The following SLCO3A1 variants were observed in gnomAD, a reference collection of about 807,000 sequenced individuals.
The protein encoded by SLCO3A1 is PGE1 transporter.
In SLCO3A1, 27 loss-of-function variants were observed where a neutral mutation model predicts 63.1. That is an observed-to-expected ratio of 0.43 (90% CI 0.32 to 0.59). The LOEUF is 0.59. Among genes scored for constraint, SLCO3A1 ranks in the 20% least tolerant of loss-of-function variants. The pLI, the probability that SLCO3A1 is intolerant of heterozygous loss-of-function variation, is 0.09. For synonymous variants in SLCO3A1, 473 were observed against 409.9 expected (o/e 1.15, Z -1.86); for missense variants, 773 against 945.8 (o/e 0.82, Z 2.40).
rs549487649 is a variant in SLCO3A1 at position 92,163,149 on chromosome 15, G to A, written c.*14G>A. The A allele has an allele frequency of 6.7e-6, 10 of 1,495,420 alleles. No individual in the cohort carries two copies. The highest frequency in any genetic ancestry group is 1.4e-5 in the African/African-American group (1 of 70,884). The allele number at this position is 1,495,420 out of a possible 1,614,324, so 92.6% of individuals were successfully genotyped here. ...TCCGTTTTATAGTGACTAAAGGAGG[G>A]CTGAACTCTGTATTAGTAATCCAAG... On this transcript the variant is annotated 3_prime_UTR_variant, in exon 10 of 10. Coordinates refer to ENST00000318445, the MANE Select transcript of SLCO3A1 (RefSeq NM_013272.4).
intron 2 of SLCO3A1, among the ~76,000 whole-genome samples, chr15:92,047,072 A>AATATATATATAATATATAAATATATAT (rs1171508604): frequency 1.9e-4 from 1 of 5,196 alleles, no homozygotes; most frequent in African/African-American, 8.0e-4. Flanking sequence ...TATATATACA[A>AATATATATATAATATATAAATATATAT]ATATATATAA....
rs1046100421 is a variant in SLCO3A1 at position 91,872,990 on chromosome 15, G to A, written c.180+18902G>A. On this transcript the variant is annotated intron_variant, in intron 1 of 9. Coordinates refer to ENST00000318445, the MANE Select transcript of SLCO3A1 (RefSeq NM_013272.4). This position sits in a 1 kb window ranked among gnomAD's most constrained non-coding sequence, Gnocchi z 4.1. ...ACCTGCGTGCTCAGCACTCACCTGC[G>A]TTCCTGATTTGAACAGCCAGCCACT... Among the ~76,000 whole-genome samples, 18 of 152,150 alleles carry A rather than the reference G, an allele frequency of 1.2e-4. No homozygotes were observed. The highest frequency in any genetic ancestry group is 9.6e-4 in the East Asian group (5 of 5,190).
chr15:92,141,555 C>T (rs1567141491), intron 7 of SLCO3A1, among the ~76,000 whole-genome samples: 1 of 152,162 alleles, frequency 6.6e-6, no homozygotes, highest in East Asian at 1.9e-4. Context: ...TTTTATAGCT[C>T]AAAGCATTTG....
intron 9 of SLCO3A1, chr15:92,151,231 C>T: frequency 4.2e-6 from 2 of 476,354 alleles, no homozygotes; most frequent in Non-Finnish European, 7.4e-6. Flanking sequence ...CAACTCTTAT[C>T]TTCACGCCAC....
At position 92,123,354 on chromosome 15, in the gene SLCO3A1, C is replaced by T. The variant is rs968361633; in HGVS notation, c.1175-2707C>T. Among the ~76,000 whole-genome samples, 6 of 152,036 alleles carry T rather than the reference C, an allele frequency of 3.9e-5. No individual in the cohort carries two copies. In the South Asian group the frequency reaches 1.0e-3, roughly 26 times the overall value. On this transcript the variant is annotated intron_variant, in intron 5 of 9. Coordinates refer to ENST00000318445, the MANE Select transcript of SLCO3A1 (RefSeq NM_013272.4). ...CCTGGGAGGTGGAGGTTGCAGTGAGCCGAGATCGCGCCATTGCACTCCAGC... is the reference window on the plus strand; with the variant it reads ...CCTGGGAGGTGGAGGTTGCAGTGAGTCGAGATCGCGCCATTGCACTCCAGC...
chr15:92,145,491 T>C (rs1263599274), intron 7 of SLCO3A1, among the ~76,000 whole-genome samples: 1 of 152,178 alleles, frequency 6.6e-6, no homozygotes, highest in Non-Finnish European at 1.5e-5. Context: ...ATAGGTCTTG[T>C]CCCGAGGTTC....
At chr15:91,997,664 A>G (rs762024441) in intron 2 of SLCO3A1, among the ~76,000 whole-genome samples, 5 of 152,218 alleles carry the variant, frequency 3.3e-5, no homozygotes, top group Non-Finnish European at 5.9e-5. Flanking sequence ...AACAGACTAC[A>G]TAGACCAGTG....
chr15:91,881,729 C>T (rs1401108487), intron 1 of SLCO3A1, among the ~76,000 whole-genome samples: 1 of 152,118 alleles, frequency 6.6e-6, no homozygotes, highest in Non-Finnish European at 1.5e-5. Context: ...ATGCAAGTCC[C>T]CTGTGGTAAA....
At position 92,120,121 on chromosome 15, in the gene SLCO3A1, C is replaced by T. The variant is rs114762157; in HGVS notation, c.1010-344C>T. ...TTTTTTTTTCTTTTGAGAAACAAAC[C>T]CCAAACCCTCTGTTAGTAGAGGATG... On this transcript the variant is annotated intron_variant, in intron 4 of 9. Transcript: ENST00000318445. 3.5e-3 allele frequency among the ~76,000 whole-genome samples: 529 copies of T among 151,610 alleles called. 3 individuals carry two copies. The highest frequency in any genetic ancestry group is 0.012 in the African/African-American group (511 of 41,318).
At chr15:92,151,229 A>G in intron 9 of SLCO3A1, 1 of 487,060 alleles carries the variant, frequency 2.1e-6, no homozygotes. Context: ...ACCAACTCTT[A>G]TCTTCACGCC....
chr15:92,094,945 C>G lies in SLCO3A1; in HGVS notation c.711C>G (p.Thr237=). 1 of 1,612,904 alleles carries G rather than the reference C, an allele frequency of 6.2e-7. No homozygotes were observed. The highest frequency in any genetic ancestry group is 8.5e-7 in the Non-Finnish European group (1 of 1,178,900). The change falls in exon 3 of 10, where the codon ACC becomes ACG. Residue 237 remains threonine, a synonymous_variant. Transcript: ENST00000318445. ...GGTTTATCCTGGGCTCTTTCTGTAC[C>G]AAAATCTACGTGGATGCGGTCTTCA... ...ACGFILGSFC[T]KIYVDAVFID...
chr15:91,945,493 C>T (rs55671921), intron 2 of SLCO3A1, among the ~76,000 whole-genome samples: 12,732 of 152,174 alleles, frequency 0.084, 602 homozygotes, highest in African/African-American at 0.097. Context: ...GACACAATAG[C>T]GGCAAGTTGT....
chr15:91,884,436 G>A (rs1897671183), intron 1 of SLCO3A1, among the ~76,000 whole-genome samples: 2 of 151,832 alleles, frequency 1.3e-5, no homozygotes, highest in South Asian at 2.1e-4. Flanking sequence ...GCTTGAACCT[G>A]GGAGGTGGAA....
At position 91,915,858 on chromosome 15, in the gene SLCO3A1, C is replaced by G. The variant is rs1406690058; in HGVS notation, c.181-135C>G. 4.3e-5 allele frequency: 31 copies of G among 717,254 alleles called. No individual in the cohort carries two copies. In the East Asian group the frequency reaches 7.8e-4, roughly 18 times the overall value. The allele number at this position is 717,254 out of a possible 1,614,324, so 44.4% of individuals were successfully genotyped here. ...GGTTAAAAGGCATTTACACAGCTGC[C>G]TTTTTGCACCTGGCACCGGAGGCCA... On this transcript the variant is annotated intron_variant, in intron 1 of 9. Coordinates refer to ENST00000318445, the MANE Select transcript of SLCO3A1 (RefSeq NM_013272.4).
intron 2 of SLCO3A1, among the ~76,000 whole-genome samples, chr15:92,088,971 CTG>C (rs909510631): frequency 5.3e-5 from 8 of 151,994 alleles, no homozygotes; most frequent in African/African-American, 1.9e-4. Context: ...AGTGGAACCC[CTG>C]TGAGTCCACT....
intron 2 of SLCO3A1, among the ~76,000 whole-genome samples, chr15:91,926,814 C>T (rs1043517972): frequency 7.9e-5 from 12 of 151,888 alleles, no homozygotes; most frequent in East Asian, 1.9e-4. Flanking sequence ...ATAACCTTTT[C>T]GAATTATGTG....
At chr15:92,034,546 C>G (rs577700993) in intron 2 of SLCO3A1, among the ~76,000 whole-genome samples, 3 of 151,786 alleles carry the variant, frequency 2.0e-5, no homozygotes, top group South Asian at 4.2e-4. Flanking sequence ...AACTCCCTTG[C>G]TGAGCAATCA....
At position 91,854,182 on chromosome 15, in the gene SLCO3A1, G is replaced by A; in HGVS notation, c.180+94G>A. 1 of 1,206,434 alleles carries A rather than the reference G, an allele frequency of 8.3e-7. No individual in the cohort carries two copies. The highest frequency in any genetic ancestry group is 2.6e-5 in the South Asian group (1 of 38,196). 74.7% of individuals were successfully genotyped at this position (1,206,434 alleles called of 1,614,324 possible). A position where few individuals can be genotyped will look rare whatever the true frequency, so the allele number is the denominator to read the frequency against. On this transcript the variant is annotated intron_variant, in intron 1 of 9. Transcript: ENST00000318445. This position sits in a 1 kb window ranked among gnomAD's most constrained non-coding sequence, Gnocchi z 6.4. ...GACGAGGGGGCCGCCCGGCGCTGGG[G>A]GCAGGCGGGCATGACCTCGGCCCGG...
At chr15:92,039,991 A>G (rs2046777933) in intron 2 of SLCO3A1, among the ~76,000 whole-genome samples, 1 of 152,122 alleles carries the variant, frequency 6.6e-6, no homozygotes. Context: ...GCATGATCTC[A>G]CTCATAAGTG....
Sources: allele counts gnomAD v4.1 joint callset (sites outside exome capture counted in the v4.1 genomes callset), GRCh38; gene constraint gnomAD v4.1.1; non-coding constraint Gnocchi (gnomAD v3.1); transcripts MANE v1.5; gene names NCBI Gene and HGNC (gene_info 2026-07-23, HGNC 2026-07-21).